Variants in ZFAND3 observed in about 807,000 individuals in gnomAD.
ZFAND3 encodes the protein AN1-type zinc finger protein 3.
In ZFAND3, 10 loss-of-function variants were observed where a neutral mutation model predicts 29.6. That is an observed-to-expected ratio of 0.34 (90% CI 0.21 to 0.57). ZFAND3 has a LOEUF of 0.57. ZFAND3 is among the 20% of genes least tolerant of loss of function. The pLI, the probability that ZFAND3 is intolerant of heterozygous loss-of-function variation, is 0.86. For synonymous variants in ZFAND3, 128 were observed against 112.6 expected (o/e 1.14, Z -0.87); for missense variants, 230 against 304.5 (o/e 0.76, Z 1.82).
intron 2 of ZFAND3, among the ~76,000 whole-genome samples, chr6:37,977,364 C>T (rs1234845593): frequency 6.6e-5 from 10 of 152,146 alleles, no homozygotes; most frequent in Admixed American, 2.6e-4. Flanking sequence ...TGCAGTAGCA[C>T]GATCTCAGCT....
chr6:37,905,295 G>A (rs988268585), intron 1 of ZFAND3, among the ~76,000 whole-genome samples: 3 of 152,058 alleles, frequency 2.0e-5, no homozygotes, highest in Admixed American at 6.6e-5. Flanking sequence ...TTGACCCAAC[G>A]ATTTTCATTC....
intron 4 of ZFAND3, among the ~76,000 whole-genome samples, chr6:38,096,187 C>T (rs114582144): frequency 1.8e-3 from 270 of 151,908 alleles, no homozygotes; most frequent in African/African-American, 6.2e-3. Context: ...CCCCCCAACC[C>T]CCCGAGACAG....
intron 2 of ZFAND3, among the ~76,000 whole-genome samples, chr6:37,947,746 CTTG>C (rs200101245): frequency 0.055 from 8,229 of 150,358 alleles, 321 homozygotes; most frequent in Non-Finnish European, 0.085. Flanking sequence ...TTTTTTTTAC[CTTG>C]TTGTGATATA....
intron 2 of ZFAND3, among the ~76,000 whole-genome samples, chr6:37,989,726 G>A (rs901669995): frequency 2.6e-5 from 4 of 152,328 alleles, no homozygotes; most frequent in Admixed American, 2.6e-4. Flanking sequence ...TCCAAGATGG[G>A]TTCAGGAACA....
chr6:37,998,899 G>A (rs935839459), intron 2 of ZFAND3, among the ~76,000 whole-genome samples: 1 of 152,138 alleles, frequency 6.6e-6, no homozygotes, highest in Non-Finnish European at 1.5e-5. Context: ...AGATGAATGT[G>A]TACACAGATT....
intron 2 of ZFAND3, among the ~76,000 whole-genome samples, chr6:37,965,367 G>T (rs930816441): frequency 6.6e-6 from 1 of 152,166 alleles, no homozygotes; most frequent in African/African-American, 2.4e-5. Context: ...TACAGACACA[G>T]TCTCATGGAT....
At position 37,939,135 on chromosome 6, in the gene ZFAND3, A is replaced by C. The variant is rs145428679; in HGVS notation, c.112+9136A>C. Among the ~76,000 whole-genome samples the C allele has an allele frequency of 2.7e-3, 408 of 152,300 alleles. 8 individuals are homozygous for C. Among genetic ancestry groups the C allele is most frequent in the Admixed American group, 0.024 (375 of 15,308 alleles). ...TCTGTATTAGTTTCCTAGGGTTGCC[A>C]CAACAAATTGCCATACACTTGGTGG... is the stretch of plus-strand genomic sequence containing the variant. On this transcript the variant is annotated intron_variant, in intron 2 of 5. Coordinates refer to ENST00000287218, the MANE Select transcript of ZFAND3 (RefSeq NM_021943.3).
chr6:37,874,655 G>A (rs940854591), intron 1 of ZFAND3, among the ~76,000 whole-genome samples: 1 of 151,968 alleles, frequency 6.6e-6, no homozygotes, highest in Admixed American at 6.5e-5. Context: ...CTGAAGTATT[G>A]CAGGTTAGGT....
chr6:37,862,790 A>G (rs1428224509), intron 1 of ZFAND3, among the ~76,000 whole-genome samples: 1 of 152,012 alleles, frequency 6.6e-6, no homozygotes, highest in Non-Finnish European at 1.5e-5. Flanking sequence ...GAACATCTCC[A>G]CGTATTCATG....
intron 2 of ZFAND3, among the ~76,000 whole-genome samples, chr6:38,043,016 T>C (rs1763821190): frequency 1.3e-5 from 2 of 152,204 alleles, no homozygotes; most frequent in African/African-American, 4.8e-5. Context: ...ATTGGTATTA[T>C]AATCTTTTTG....
intron 2 of ZFAND3, among the ~76,000 whole-genome samples, chr6:38,004,328 A>C (rs1763005402): frequency 6.6e-6 from 1 of 152,310 alleles, no homozygotes; most frequent in Non-Finnish European, 1.5e-5. Context: ...ACGTTTGCTC[A>C]TAGCATTATA....
rs143662254 is a variant in ZFAND3 at position 38,139,672 on chromosome 6, A to G, written c.530-12563A>G. Reference sequence around the variant, plus strand: ...TTTATTGTAATCAGTGGAGCACGGTAATCACAGACAGGGCTGGATCTCATC... The same window carrying G: ...TTTATTGTAATCAGTGGAGCACGGTGATCACAGACAGGGCTGGATCTCATC... On this transcript the variant is annotated intron_variant, in intron 5 of 5. Coordinates refer to ENST00000287218, the MANE Select transcript of ZFAND3 (RefSeq NM_021943.3). Among the ~76,000 whole-genome samples the G allele has an allele frequency of 3.8e-3, 574 of 152,306 alleles. 2 individuals are homozygous for G. Among genetic ancestry groups the G allele is most frequent in the Middle Eastern group, 0.014 (4 of 294 alleles).
Position 38,009,995 on chromosome 6 carries a change from C to T in ZFAND3, c.113-51598C>T, listed in dbSNP as rs751610432. ...AACTGGCAGAGTTAAATTCCTATGGCATATTTCTGGTCGCAAAAACATCAC... is the reference window on the plus strand; with the variant it reads ...AACTGGCAGAGTTAAATTCCTATGGTATATTTCTGGTCGCAAAAACATCAC... On this transcript the variant is annotated intron_variant, in intron 2 of 5. Coordinates refer to ENST00000287218, the MANE Select transcript of ZFAND3 (RefSeq NM_021943.3). 4.0e-4 allele frequency among the ~76,000 whole-genome samples: 61 copies of T among 152,148 alleles called. 1 individual carries two copies. The highest frequency in any genetic ancestry group is 2.1e-4 in the South Asian group (1 of 4,832).
At chr6:38,151,707 ACTTTC>A (rs1766230107) in intron 5 of ZFAND3, among the ~76,000 whole-genome samples, 1 of 152,022 alleles carries the variant, frequency 6.6e-6, no homozygotes, top group Non-Finnish European at 1.5e-5. Context: ...GAAATAATCC[ACTTTC>A]CTTTGAGAGC....
intron 2 of ZFAND3, among the ~76,000 whole-genome samples, chr6:37,971,171 A>G (rs1304534090): frequency 6.6e-6 from 1 of 152,228 alleles, no homozygotes; most frequent in Non-Finnish European, 1.5e-5. Context: ...TACGTTGAAC[A>G]AAGTGCTTTT....
At chr6:37,861,905 TTGTA>T (rs1383156767) in intron 1 of ZFAND3, among the ~76,000 whole-genome samples, 1 of 152,222 alleles carries the variant, frequency 6.6e-6, no homozygotes, top group Non-Finnish European at 1.5e-5. Flanking sequence ...AGAAAATATG[TTGTA>T]TGTGTTTTGC....
At chr6:37,832,543 G>T (rs1345410356) in intron 1 of ZFAND3, among the ~76,000 whole-genome samples, 1 of 152,174 alleles carries the variant, frequency 6.6e-6, no homozygotes, top group East Asian at 1.9e-4. Flanking sequence ...CAGTGAATTT[G>T]TACTAGAAGA....
chr6:37,908,543 A>T (rs1385583242), intron 1 of ZFAND3, among the ~76,000 whole-genome samples: 13 of 17,960 alleles, frequency 7.2e-4, no homozygotes, highest in African/African-American at 1.4e-3. Flanking sequence ...AAAAAAAATT[A>T]AAAAAAAAAA....
chr6:38,035,435 A>G (rs912915992), intron 2 of ZFAND3, among the ~76,000 whole-genome samples: 2 of 152,182 alleles, frequency 1.3e-5, no homozygotes, highest in African/African-American at 4.8e-5. Flanking sequence ...ATATATAATA[A>G]TTGTGTATTT....
Sources: gnomAD v4.1 joint callset for allele counts (sites outside exome capture counted in the v4.1 genomes callset) on GRCh38, gnomAD v4.1.1 for gene constraint, MANE v1.5 for transcripts, NCBI Gene and HGNC (gene_info 2026-07-23, HGNC 2026-07-21) for gene names.